PLCXD3: variants seen among roughly 807,000 people sequenced by gnomAD.
PLCXD3 encodes the protein PI-PLC X domain-containing protein 3.
A neutral mutation model predicts 25.5 loss-of-function variants in PLCXD3; 19 were observed. The observed-to-expected ratio is 0.75, with a 90% CI of 0.52 to 1.09. PLCXD3 has a LOEUF of 1.09. Among genes scored for constraint, PLCXD3 ranks in the 50% least tolerant of loss-of-function variants. PLCXD3 has a pLI of 0.00. For missense variants in PLCXD3, 411 were observed against 388.1 expected (o/e 1.06, Z -0.50); for synonymous variants, 174 against 137.6 (o/e 1.26, Z -1.85).
intron 2 of PLCXD3, among the ~76,000 whole-genome samples, chr5:41,348,261 A>C (rs1744357367): frequency 6.6e-6 from 1 of 152,168 alleles, no homozygotes; most frequent in African/African-American, 2.4e-5. Flanking sequence ...ATGGACCCTA[A>C]TGTACCATTA....
At chr5:41,320,830 AAAG>A (rs1348785643) in intron 2 of PLCXD3, among the ~76,000 whole-genome samples, 15 of 152,324 alleles carry the variant, frequency 9.8e-5, no homozygotes, top group African/African-American at 3.6e-4. Flanking sequence ...ACATCAACAG[AAAG>A]AAGAATGAAA....
intron 2 of PLCXD3, among the ~76,000 whole-genome samples, chr5:41,378,124 C>T (rs1460955): frequency 0.57 from 86,172 of 151,892 alleles, 25,007 homozygotes; most frequent in South Asian, 0.71. Flanking sequence ...TCTGGGGAGT[C>T]AAGTGCTCCT....
chr5:41,489,519 G>A lies in PLCXD3; in HGVS notation c.103+20905C>T, dbSNP rs140237976. Among the ~76,000 whole-genome samples the A allele has an allele frequency of 1.7e-3, 255 of 152,248 alleles. 2 individuals are homozygous for A. The highest frequency in any genetic ancestry group is 1.3e-3 in the Non-Finnish European group (87 of 68,024). On this transcript the variant is annotated intron_variant, in intron 1 of 2. Transcript: ENST00000377801. The stretch of plus-strand genomic sequence containing the variant: ...GCCTTGAATCTGTAAATTACCTTGG[G>A]CAGTATGGCAATTTTCACAATATTG...
chr5:41,490,611 A>C (rs1278388739), intron 1 of PLCXD3, among the ~76,000 whole-genome samples: 3 of 152,076 alleles, frequency 2.0e-5, no homozygotes. Context: ...ACAATTTCAG[A>C]TCCTGTTATT....
intron 1 of PLCXD3, among the ~76,000 whole-genome samples, chr5:41,401,436 A>G (rs375972406): frequency 6.6e-6 from 1 of 152,078 alleles, no homozygotes; most frequent in African/African-American, 2.4e-5. Context: ...TTCAAACACT[A>G]CTTGTTGAAA....
intron 2 of PLCXD3, among the ~76,000 whole-genome samples, chr5:41,350,991 C>T (rs1007437290): frequency 6.6e-6 from 1 of 152,190 alleles, no homozygotes; most frequent in Admixed American, 6.5e-5. Flanking sequence ...AGTCACCAAA[C>T]CATACTTTAT....
At chr5:41,335,245 G>T (rs1743946452) in intron 2 of PLCXD3, among the ~76,000 whole-genome samples, 1 of 152,186 alleles carries the variant, frequency 6.6e-6, no homozygotes. Flanking sequence ...TGATAAGAAA[G>T]AGCTGTGATG....
intron 1 of PLCXD3, among the ~76,000 whole-genome samples, chr5:41,436,876 T>C (rs318057): frequency 0.89 from 134,892 of 151,994 alleles, 60,133 homozygotes; most frequent in Middle Eastern, 0.94. Context: ...TTTAATTTCA[T>C]GTATTCTATA....
intron 1 of PLCXD3, among the ~76,000 whole-genome samples, chr5:41,392,339 G>A (rs1322477098): frequency 6.6e-6 from 1 of 150,474 alleles, no homozygotes; most frequent in Non-Finnish European, 1.5e-5. Flanking sequence ...CAGAGAGAGA[G>A]GGAGAGAGAG....
At chr5:41,401,786 T>C (rs1746194092) in intron 1 of PLCXD3, among the ~76,000 whole-genome samples, 1 of 152,060 alleles carries the variant, frequency 6.6e-6, no homozygotes, top group African/African-American at 2.4e-5. Flanking sequence ...AAATTCAATT[T>C]CTAAATTAAA....
chr5:41,465,519 C>G (rs1398065993), intron 1 of PLCXD3, among the ~76,000 whole-genome samples: 1 of 151,688 alleles, frequency 6.6e-6, no homozygotes, highest in Non-Finnish European at 1.5e-5. Context: ...AGCATGTGCT[C>G]AATGTTCAAT....
chr5:41,492,271 C>T (rs2150526000), intron 1 of PLCXD3, among the ~76,000 whole-genome samples: 1 of 152,246 alleles, frequency 6.6e-6, no homozygotes, highest in East Asian at 1.9e-4. Flanking sequence ...CCCCCACTCT[C>T]TTCTGGCTTG....
At chr5:41,374,212 T>G (rs371799247) in intron 2 of PLCXD3, among the ~76,000 whole-genome samples, 1 of 152,106 alleles carries the variant, frequency 6.6e-6, no homozygotes, top group African/African-American at 2.4e-5. Flanking sequence ...GGGGCTCACT[T>G]GAGTCTGTTA....
Position 41,493,414 on chromosome 5 carries a change from G to A in PLCXD3, c.103+17010C>T, listed in dbSNP as rs368292901. Among the ~76,000 whole-genome samples, 30 of 152,326 alleles carry A rather than the reference G, an allele frequency of 2.0e-4. No individual in the cohort carries two copies. The East Asian group carries it at 3.9e-3, about 20-fold the overall frequency. On this transcript the variant is annotated intron_variant, in intron 1 of 2. Transcript: ENST00000377801. The stretch of plus-strand genomic sequence containing the variant: ...ACCCACTTGAGGAGGCAGTCTGCCC[G>A]TTCTCAGATCTCCAGCTGCATACTG...
intron 1 of PLCXD3, among the ~76,000 whole-genome samples, chr5:41,466,123 C>A (rs972467971): frequency 4.6e-5 from 7 of 151,986 alleles, no homozygotes; most frequent in Non-Finnish European, 7.4e-5. Flanking sequence ...GTTGTAGTCT[C>A]CAAATAGATT....
chr5:41,360,796 G>T (rs1285524273), intron 2 of PLCXD3, among the ~76,000 whole-genome samples: 1 of 152,174 alleles, frequency 6.6e-6, no homozygotes, highest in Non-Finnish European at 1.5e-5. Flanking sequence ...AGGGTCCTGG[G>T]TTGTATTTTT....
intron 1 of PLCXD3, among the ~76,000 whole-genome samples, chr5:41,449,170 T>C (rs1261419448): frequency 6.6e-6 from 1 of 152,236 alleles, no homozygotes; most frequent in Non-Finnish European, 1.5e-5. Context: ...GTAATGAATG[T>C]TCTCATTCTC....
chr5:41,479,244 T>A (rs746943209), intron 1 of PLCXD3, among the ~76,000 whole-genome samples: 4 of 152,136 alleles, frequency 2.6e-5, no homozygotes, highest in Non-Finnish European at 4.4e-5. Flanking sequence ...AAAACAAATA[T>A]TACATGATTC....
intron 1 of PLCXD3, among the ~76,000 whole-genome samples, chr5:41,483,041 G>C (rs745513912): frequency 2.0e-5 from 3 of 152,110 alleles, no homozygotes; most frequent in Non-Finnish European, 4.4e-5. Flanking sequence ...TTTTGTGACT[G>C]GTTTATTTCA....
Sources: allele counts gnomAD v4.1 joint callset (sites outside exome capture counted in the v4.1 genomes callset), GRCh38; gene constraint gnomAD v4.1.1; transcripts MANE v1.5; gene names NCBI Gene and HGNC (gene_info 2026-07-23, HGNC 2026-07-21).